The following DOCK2 variants were observed in gnomAD, a reference collection of about 807,000 sequenced individuals.
DOCK2 encodes the protein dedicator of cytokinesis protein 2.
In DOCK2, 87 loss-of-function variants were observed where a neutral mutation model predicts 248.9. The observed-to-expected ratio is 0.35, with a 90% confidence interval of 0.29 to 0.42. The LOEUF (loss-of-function observed/expected upper bound fraction) is 0.42, where lower values mean the gene tolerates loss of function less well. DOCK2 is among the 10% of genes least tolerant of loss of function. DOCK2 has a pLI of 1.00. For synonymous variants in DOCK2, 805 were observed against 821.6 expected (o/e 0.98, Z 0.35); for missense variants, 1,747 against 2,300.2 (o/e 0.76, Z 4.92).
intron 42 of DOCK2, 35 bp downstream of exon 42, chr5:170,055,421 G>A (rs1442811893): frequency 1.8e-5 from 29 of 1,600,174 alleles, no homozygotes; most frequent in South Asian, 8.8e-5. Context: ...GAAGGATGGG[G>A]AAGAGAACCC....
At position 169,864,409 on chromosome 5, in the gene DOCK2, T is replaced by C. The variant is rs986158963; in HGVS notation, c.2799+23557T>C. Reference sequence around the variant, plus strand: ...AACTGGCTCTGCTTCCTCCAGACTCTGCAAAACTTCATGGAACCTGCCTTC... The same window carrying C: ...AACTGGCTCTGCTTCCTCCAGACTCCGCAAAACTTCATGGAACCTGCCTTC... On this transcript the variant is annotated intron_variant, in intron 27 of 51. Coordinates refer to ENST00000520908, the MANE Select transcript of DOCK2 (RefSeq NM_004946.3). 9.7e-6 allele frequency: 15 copies of C among 1,550,548 alleles called. No individual in the cohort carries two copies. Among genetic ancestry groups the C allele is most frequent in the Non-Finnish European group, 1.3e-5 (15 of 1,146,572 alleles).
Position 169,671,088 on chromosome 5 carries a change from A to G in DOCK2, c.235A>G (p.Asn79Asp). The stretch of plus-strand genomic sequence containing the variant: ...TCCCACCTTAAATAGAAATACTGAG[A>G]ACATCATTCCTGCAGAAATTCCTCT... ...VTVEKRRNTE[N>D]IIPAEIPLAQ... is the part of the protein sequence containing the mutation. Residue 79 changes from asparagine to aspartate, a missense_variant, in exon 5 of 52, where the codon AAC (asparagine) becomes GAC (aspartate). Asn to Asp is a conservative substitution (Grantham distance 23). This residue lies in a region of DOCK2 where 375 missense variants were observed against 510.9 expected (regional missense o/e 0.73). Coordinates refer to ENST00000520908, the MANE Select transcript of DOCK2 (RefSeq NM_004946.3). 3 of 1,614,018 alleles carry G rather than the reference A, an allele frequency of 1.9e-6. No homozygotes were observed. The highest frequency in any genetic ancestry group is 2.5e-6 in the Non-Finnish European group (3 of 1,179,948).
At chr5:170,067,811 C>A in intron 45 of DOCK2, 125 bp downstream of exon 45, 3 of 1,097,868 alleles carry the variant, frequency 2.7e-6, no homozygotes, top group Non-Finnish European at 3.9e-6. Flanking sequence ...CCCAGAGGGA[C>A]CCTCAGCTTG....
At chr5:169,871,752 C>T (rs902172029) in intron 27 of DOCK2, among the ~76,000 whole-genome samples, 15 of 152,210 alleles carry the variant, frequency 9.9e-5, no homozygotes, top group African/African-American at 3.6e-4. Flanking sequence ...GATGACCTCA[C>T]AGTCCCCTGT....
intron 5 of DOCK2, among the ~76,000 whole-genome samples, chr5:169,674,069 G>A (rs1390334170): frequency 2.0e-5 from 3 of 152,154 alleles, no homozygotes; most frequent in African/African-American, 4.8e-5. Flanking sequence ...CCTTAACCAA[G>A]AAATGATTGA....
At chr5:170,048,237 C>A (rs1019874937) in intron 40 of DOCK2, among the ~76,000 whole-genome samples, 1 of 151,828 alleles carries the variant, frequency 6.6e-6, no homozygotes, top group Non-Finnish European at 1.5e-5. Flanking sequence ...ACAAAAAATA[C>A]AAAAATTAGC....
chr5:169,982,874 G>T (rs1394220600), intron 27 of DOCK2, among the ~76,000 whole-genome samples, 194 bp from the exon 28 acceptor site: 1 of 152,212 alleles, frequency 6.6e-6, no homozygotes, highest in Non-Finnish European at 1.5e-5. Context: ...TCTTTCCCCA[G>T]TGTGCGAACA....
chr5:169,757,288 G>A (rs1471948029), intron 23 of DOCK2, among the ~76,000 whole-genome samples: 1 of 152,046 alleles, frequency 6.6e-6, no homozygotes, highest in Non-Finnish European at 1.5e-5. Context: ...AGGTTGGAAT[G>A]TACTGGATAC....
chr5:169,853,153 A>G (rs1453748418), intron 27 of DOCK2, among the ~76,000 whole-genome samples: 2 of 152,260 alleles, frequency 1.3e-5, no homozygotes, highest in African/African-American at 2.4e-5. Flanking sequence ...GTCTGCCACC[A>G]TGTGAGATGT....
chr5:169,708,247 C>T lies in DOCK2; in HGVS notation c.1462C>T (p.Arg488Cys), dbSNP rs752575256. The stretch of plus-strand genomic sequence containing the variant: ...TGTGTACTATCAAGTCAAACAGCCA[C>T]GCTGGATGGAAACAGTCAAGGTAAT... Reference protein sequence around the residue: ...SVVYYQVKQPRWMETVKVAVP... With the variant: ...SVVYYQVKQPCWMETVKVAVP... Residue 488 changes from arginine (R) to cysteine (C), a missense_variant, in exon 15 of 52, where the codon CGC (arginine) becomes TGC (cysteine). Arg to Cys is a radical substitution (Grantham distance 180). Coordinates refer to ENST00000520908, the MANE Select transcript of DOCK2 (RefSeq NM_004946.3). 5.6e-6 allele frequency: 9 copies of T among 1,613,642 alleles called. No individual in the cohort carries two copies. Among genetic ancestry groups the T allele is most frequent in the East Asian group, 2.2e-5 (1 of 44,844 alleles).
intron 27 of DOCK2, among the ~76,000 whole-genome samples, chr5:169,961,064 G>A (rs535419171): frequency 6.6e-6 from 1 of 152,302 alleles, no homozygotes; most frequent in South Asian, 2.1e-4. Context: ...CCAGTATATT[G>A]CATGAGTGAG....
intron 27 of DOCK2, among the ~76,000 whole-genome samples, chr5:169,975,433 C>T (rs920411706): frequency 1.3e-5 from 2 of 152,170 alleles, no homozygotes; most frequent in Non-Finnish European, 2.9e-5. Flanking sequence ...CCTCCAAGGG[C>T]CCGTGGGATC....
intron 32 of DOCK2, among the ~76,000 whole-genome samples, chr5:170,018,748 C>T (rs967251169): frequency 1.3e-5 from 2 of 152,296 alleles, no homozygotes; most frequent in Middle Eastern, 3.4e-3. Flanking sequence ...CCTTAATAAT[C>T]GGGCTTGTTT....
chr5:169,861,550 A>G (rs904715535), intron 27 of DOCK2, among the ~76,000 whole-genome samples: 5 of 152,254 alleles, frequency 3.3e-5, no homozygotes, highest in African/African-American at 9.6e-5. Context: ...TTATAAAAGT[A>G]ATTTTTGCTA....
At chr5:170,021,000 A>G (rs549279374) in intron 33 of DOCK2, among the ~76,000 whole-genome samples, 4 of 152,370 alleles carry the variant, frequency 2.6e-5, no homozygotes, top group Admixed American at 2.6e-4. Flanking sequence ...TGGATTTTCC[A>G]TCCTATTAAT....
intron 44 of DOCK2, among the ~76,000 whole-genome samples, chr5:170,065,032 A>C (rs1057427825): frequency 3.9e-5 from 6 of 152,186 alleles, no homozygotes; most frequent in Non-Finnish European, 8.8e-5. Context: ...AAGGCAAAAA[A>C]AATATAAAAA....
chr5:169,686,915 G>A (rs944786219), intron 8 of DOCK2, among the ~76,000 whole-genome samples: 2 of 152,134 alleles, frequency 1.3e-5, no homozygotes, highest in African/African-American at 4.8e-5. Flanking sequence ...TGAGGAGTTG[G>A]AATAGTACTC....
At chr5:169,837,723 G>A (rs246769) in intron 26 of DOCK2, among the ~76,000 whole-genome samples, 23,203 of 152,020 alleles carry the variant, frequency 0.15, 2,149 homozygotes, top group East Asian at 0.39. Context: ...TTTGCCCAAG[G>A]TCACCCAGCT....
In DOCK2 at chr5:169,699,373, C is replaced by A; in HGVS notation, c.1056-9C>A. The A allele has an allele frequency of 6.2e-7, 1 of 1,612,188 alleles. No homozygotes were observed. The highest frequency in any genetic ancestry group is 2.2e-5 in the East Asian group (1 of 44,778). ...ATGTGGACATTTCATGCTCTCTTTT[C>A]CTTTCCAGGGTTACAGCTGAGAATG... On this transcript the variant is annotated splice_polypyrimidine_tract_variant and intron_variant, in intron 11 of 51. Coordinates refer to ENST00000520908, the MANE Select transcript of DOCK2 (RefSeq NM_004946.3).
Sources: allele counts gnomAD v4.1 joint callset (sites outside exome capture counted in the v4.1 genomes callset), GRCh38; gene constraint gnomAD v4.1.1; regional missense constraint gnomAD v4.1.1; transcripts MANE v1.5; gene names NCBI Gene and HGNC (gene_info 2026-07-23, HGNC 2026-07-21).